The following RNF111 variants were observed in gnomAD, a reference collection of about 807,000 sequenced individuals.
RNF111 encodes the protein ring finger protein 111, also known as E3 ubiquitin-protein ligase Arkadia.
A neutral mutation model predicts 95.1 loss-of-function variants in RNF111; 17 were observed. The observed-to-expected ratio is 0.18, with a 90% CI of 0.12 to 0.27. RNF111 has a LOEUF of 0.27. Ranked by LOEUF, RNF111 falls within the 10% of genes least tolerant of loss-of-function variation. The pLI is 1.00. For synonymous variants in RNF111, 440 were observed against 414.8 expected, an observed-to-expected ratio of 1.06 and a Z score of -0.74; for missense variants, 1,189 against 1,210.4, an observed-to-expected ratio of 0.98 and a Z score of 0.26.
intron 1 of RNF111, among the ~76,000 whole-genome samples, chr15:58,995,029 C>G (rs2038994765): frequency 6.6e-6 from 1 of 152,124 alleles, no homozygotes. Flanking sequence ...TCACAAAATG[C>G]ATTTAGTTGT....
At position 59,031,272 on chromosome 15, in the gene RNF111, T is replaced by G; in HGVS notation, c.450T>G (p.Ser150=). The G allele has an allele frequency of 6.2e-7, 1 of 1,614,178 alleles. No homozygotes were observed. Among genetic ancestry groups the G allele is most frequent in the Non-Finnish European group, 8.5e-7 (1 of 1,180,030 alleles). Residue 150 remains serine (S), a synonymous_variant, in exon 2 of 14, where the codon TCT becomes TCG. Transcript: ENST00000348370. The part of the protein sequence containing the change: ...SPSSSLHFGD[S]DTVTSDEDKE... The stretch of plus-strand genomic sequence containing the variant: ...CATCTAGTCTGCATTTTGGAGATTC[T>G]GATACTGTGACTTCAGATGAGGATA...
At chr15:59,037,057 G>A (rs2041216241) in intron 2 of RNF111, among the ~76,000 whole-genome samples, 1 of 150,230 alleles carries the variant, frequency 6.7e-6, no homozygotes, top group Non-Finnish European at 1.5e-5. Context: ...GGCTGGTCTC[G>A]AACTCCTGGG....
At chr15:59,016,564 T>C (rs989413457) in intron 1 of RNF111, among the ~76,000 whole-genome samples, 16 of 152,218 alleles carry the variant, frequency 1.1e-4, no homozygotes, top group African/African-American at 3.1e-4. Flanking sequence ...ATTGAGCATA[T>C]ACCATATTAG....
At chr15:59,082,446 G>A (rs1400111314) in intron 8 of RNF111, among the ~76,000 whole-genome samples, 1 of 152,172 alleles carries the variant, frequency 6.6e-6, no homozygotes, top group Non-Finnish European at 1.5e-5. Flanking sequence ...AGAATTTTCA[G>A]TGAATGACAG....
Position 59,031,333 on chromosome 15 carries a change from A to C in RNF111, c.511A>C (p.Asn171His). The C allele has an allele frequency of 6.2e-7, 1 of 1,614,174 alleles. No individual in the cohort carries two copies. The highest frequency in any genetic ancestry group is 8.5e-7 in the Non-Finnish European group (1 of 1,180,022). Residue 171 changes from asparagine (N) to histidine (H), a missense_variant, in exon 2 of 14, where the codon AAT becomes CAT. Asn to His is a moderately conservative substitution (Grantham distance 68, BLOSUM62 1). Coordinates refer to ENST00000348370, the MANE Select transcript of RNF111 (RefSeq NM_017610.8). ...VSVRHSQTIL[N>H]AKSRSHSARS... ...TGTAAGACATTCCCAGACCATTTTG[A>C]ATGCTAAAAGTAGAAGCCATAGTGC... is the stretch of plus-strand genomic sequence containing the variant.
At chr15:59,083,692 A>T (rs1490973868) in intron 8 of RNF111, among the ~76,000 whole-genome samples, 3 of 152,200 alleles carry the variant, frequency 2.0e-5, no homozygotes, top group Non-Finnish European at 2.9e-5. Flanking sequence ...GTATAAGAGT[A>T]AATGAAGCAA....
chr15:59,051,771 C>CAATA (rs56358103), intron 2 of RNF111, among the ~76,000 whole-genome samples: 6,467 of 149,832 alleles, frequency 0.043, 143 homozygotes, highest in Non-Finnish European at 0.055. Flanking sequence ...GAAACTGTCT[C>CAATA]AATAAATAAA....
At chr15:59,072,348 A>G (rs2042967774) in intron 6 of RNF111, among the ~76,000 whole-genome samples, 1 of 152,180 alleles carries the variant, frequency 6.6e-6, no homozygotes, top group African/African-American at 2.4e-5. Context: ...CAGAATTGGA[A>G]TCAATCCTTT....
At chr15:58,994,262 C>G (rs1229848741) in intron 1 of RNF111, among the ~76,000 whole-genome samples, 2 of 151,738 alleles carry the variant, frequency 1.3e-5, no homozygotes, top group African/African-American at 4.8e-5. Flanking sequence ...TGGTCTCGAA[C>G]TCCTGACCTC....
rs573215204 is a variant in RNF111 at position 59,063,394 on chromosome 15, T to G, written c.1367-3370T>G. On this transcript the variant is annotated intron_variant, in intron 5 of 13. Transcript: ENST00000348370. ...TGAATGAGTAATTCATGCCTGCCTCTCGATAATCCTGCTAGAGTTACTGAA... is the reference window on the plus strand; with the variant it reads ...TGAATGAGTAATTCATGCCTGCCTCGCGATAATCCTGCTAGAGTTACTGAA... 2.0e-5 allele frequency among the ~76,000 whole-genome samples: 3 copies of G among 152,322 alleles called. No homozygotes were observed. In the South Asian group the frequency reaches 6.2e-4, roughly 32 times the overall value.
intron 1 of RNF111, among the ~76,000 whole-genome samples, chr15:58,990,424 C>T (rs141074666): frequency 3.9e-5 from 6 of 152,236 alleles, no homozygotes; most frequent in African/African-American, 7.2e-5. Context: ...CTTTGGGAGG[C>T]CAAGGCGGGC....
At chr15:59,004,463 A>G (rs760906402) in intron 1 of RNF111, among the ~76,000 whole-genome samples, 1 of 152,222 alleles carries the variant, frequency 6.6e-6, no homozygotes, top group Non-Finnish European at 1.5e-5. Context: ...GCACCTTACT[A>G]TCTTTTTATC....
chr15:59,066,828 A>T lies in RNF111; in HGVS notation c.1431A>T (p.Leu477Phe). The change falls in exon 6 of 14, where the codon TTA becomes TTT. Residue 477 changes from leucine (L) to phenylalanine (F), a missense_variant. By Grantham distance (22) the Leu-to-Phe change is conservative. Transcript: ENST00000348370. ...CTGGCCCTCCTGCAATGCCAAGGTT[A>T]CCTTCCTGCTGTCCCCAGCACTCAC... ...TETGPPAMPR[L>F]PSCCPQHSPC... is the part of the protein sequence containing the mutation. 1 of 1,614,038 alleles carries T rather than the reference A, an allele frequency of 6.2e-7. No homozygotes were observed.
In RNF111 at chr15:59,055,745, T is replaced by C; in HGVS notation, c.1071T>C (p.Ser357=). ...HWSQGSSSHA[S]RPQEPRNRSR... The stretch of plus-strand genomic sequence containing the variant: ...GCCAGGGTTCCAGTTCTCATGCAAG[T>C]CGGCCACAGGAGCCACGGAACCGCA... Residue 357 remains serine, a synonymous_variant, in exon 4 of 14, where the codon AGT becomes AGC. Coordinates refer to ENST00000348370, the MANE Select transcript of RNF111 (RefSeq NM_017610.8). 2 of 1,613,938 alleles carry C rather than the reference T, an allele frequency of 1.2e-6. No homozygotes were observed. The highest frequency in any genetic ancestry group is 1.1e-5 in the South Asian group (1 of 91,072).
chr15:59,073,633 A>G (rs1409088886), intron 6 of RNF111, among the ~76,000 whole-genome samples: 1 of 152,204 alleles, frequency 6.6e-6, no homozygotes, highest in Non-Finnish European at 1.5e-5. Context: ...ATCTGTAGTT[A>G]CTTCATCCAC....
At chr15:58,994,204 A>G (rs1489306077) in intron 1 of RNF111, among the ~76,000 whole-genome samples, 1 of 151,360 alleles carries the variant, frequency 6.6e-6, no homozygotes, top group Non-Finnish European at 1.5e-5. Flanking sequence ...CGCTCAGGTT[A>G]TTTTTTATAT....
At chr15:59,016,592 G>T (rs574637792) in intron 1 of RNF111, among the ~76,000 whole-genome samples, 48 of 152,068 alleles carry the variant, frequency 3.2e-4, no homozygotes, top group African/African-American at 9.9e-4. Context: ...TTTTCATCTT[G>T]CTCGGCCCAC....
In RNF111 at chr15:59,094,939, AT is replaced by A. The variant is rs2079152466; in HGVS notation, c.*40del. The A allele has an allele frequency of 8.4e-7, 1 of 1,195,206 alleles. No homozygotes were observed. 74.0% of individuals were successfully genotyped at this position (1,195,206 alleles called of 1,614,324 possible). A position where few individuals can be genotyped will look rare whatever the true frequency, so the allele number is the denominator to read the frequency against. ...AACTCTTGCCCTCCCTCTCATTCCC[AT>A]CCTTCCTGGTACTGCAGTCAACCAA... is the stretch of plus-strand genomic sequence containing the variant. On this transcript the variant is annotated 3_prime_UTR_variant, in exon 14 of 14. Coordinates refer to ENST00000348370, the MANE Select transcript of RNF111 (RefSeq NM_017610.8).
intron 1 of RNF111, among the ~76,000 whole-genome samples, chr15:59,012,913 A>G (rs1238210280): frequency 6.6e-6 from 1 of 151,892 alleles, no homozygotes; most frequent in African/African-American, 2.4e-5. Flanking sequence ...TAATTTTTGT[A>G]TTTTTAGTTG....
Sources: gnomAD v4.1 joint callset for allele counts (sites outside exome capture counted in the v4.1 genomes callset) on GRCh38, gnomAD v4.1.1 for gene constraint, MANE v1.5 for transcripts, NCBI Gene and HGNC (gene_info 2026-07-23, HGNC 2026-07-21) for gene names.